The following ASAH2 variants were observed in gnomAD, a reference collection of about 807,000 sequenced individuals.
ASAH2 encodes N-acylsphingosine amidohydrolase 2.
ASAH2 carries 58 observed loss-of-function variants against 82.9 expected under a neutral mutation model. The ratio of observed to expected loss-of-function variants is 0.70; its 90% CI spans 0.57 to 0.87. The LOEUF (loss-of-function observed/expected upper bound fraction) is 0.87. ASAH2 is among the 40% of genes least tolerant of loss of function. The pLI is 0.00. For missense variants in ASAH2, 779 were observed against 834.0 expected (o/e 0.93, Z 0.81); for synonymous variants, 276 against 289.7 (o/e 0.95, Z 0.48).
chr10:50,203,566 A>G, intron 15 of ASAH2, 74 bp downstream of exon 15: 1 of 542,850 alleles, frequency 1.8e-6, no homozygotes, highest in Non-Finnish European at 3.1e-6. Context: ...TAGATATAGG[A>G]TCATAGGGAT....
intron 4 of ASAH2, among the ~76,000 whole-genome samples, chr10:50,239,020 A>G (rs1226304996): frequency 6.6e-6 from 1 of 152,196 alleles, no homozygotes; most frequent in East Asian, 1.9e-4. Flanking sequence ...TTAACACAGG[A>G]CAAAGCAGCT....
rs565557885 is a variant in ASAH2, at chr10:50,243,926, G to A, written c.361-575C>T. Among the ~76,000 whole-genome samples the A allele has an allele frequency of 8.5e-5, 13 of 152,260 alleles. No individual in the cohort carries two copies. In the East Asian group the frequency reaches 9.7e-4, roughly 11 times the overall value. On this transcript the variant is annotated intron_variant, in intron 3 of 20. Coordinates refer to ENST00000682911, the MANE Select transcript of ASAH2 (RefSeq NM_019893.4). ...CTTTTACCATAGTATCATTCCTGTC[G>A]TGGGTGCAACAGGCTGGTAAATTCC...
chr10:50,234,870 A>G (rs1589351378), intron 5 of ASAH2, among the ~76,000 whole-genome samples: 1 of 152,116 alleles, frequency 6.6e-6, no homozygotes, highest in Non-Finnish European at 1.5e-5. Flanking sequence ...CAGATAGCCA[A>G]AATGGGAGAC....
At chr10:50,216,072 AAC>A (rs1371225287) in intron 8 of ASAH2, among the ~76,000 whole-genome samples, 1 of 151,744 alleles carries the variant, frequency 6.6e-6, no homozygotes, top group Non-Finnish European at 1.5e-5. Flanking sequence ...CAGAAAACCA[AAC>A]ACCACATGTT....
intron 7 of ASAH2, among the ~76,000 whole-genome samples, chr10:50,229,700 C>G (rs2133221811): frequency 6.6e-6 from 1 of 152,264 alleles, no homozygotes; most frequent in Middle Eastern, 3.4e-3. Context: ...TCACCTTTTA[C>G]CAGTTCTTCA....
chr10:50,218,613 G>A lies in ASAH2; in HGVS notation c.911C>T (p.Pro304Leu), dbSNP rs766785225. 3.9e-5 allele frequency: 63 copies of A among 1,613,600 alleles called. No homozygotes were observed. The highest frequency in any genetic ancestry group is 2.0e-4 in the Admixed American group (12 of 59,974). The part of the protein sequence containing the change: ...LGLISWFAIH[P>L]VSMNNSNHLV... ...ATGGTTACTGTTGTTCATGCTGACC[G>A]GGTGGATGGCAAACCAGCTGTAAAA... The change falls in exon 8 of 21, where the codon CCG becomes CTG. Residue 304 changes from proline to leucine, a missense_variant. This residue lies in a region of ASAH2 where 759 missense variants were observed against 755.2 expected (regional missense o/e 1.00). Transcript: ENST00000682911.
At chr10:50,202,971 G>T in intron 15 of ASAH2, 47 bp from the exon 16 acceptor site, 2 of 1,189,080 alleles carry the variant, frequency 1.7e-6, no homozygotes, top group Non-Finnish European at 2.5e-6. Context: ...TCATCTTTAC[G>T]TATATTTTCA....
intron 14 of ASAH2, 102 bp from the exon 15 acceptor site, chr10:50,203,781 C>T: frequency 3.1e-6 from 3 of 956,606 alleles, no homozygotes; most frequent in Admixed American, 1.7e-5. Flanking sequence ...TGGCTCATCA[C>T]ACAATAGTAA....
At chr10:50,239,541 A>G (rs1469707148) in intron 4 of ASAH2, among the ~76,000 whole-genome samples, 1 of 152,170 alleles carries the variant, frequency 6.6e-6, no homozygotes, top group Non-Finnish European at 1.5e-5. Flanking sequence ...TCAGAAAAGC[A>G]GTATAGTATA....
intron 6 of ASAH2, 54 bp from the exon 7 acceptor site, chr10:50,233,315 A>G: frequency 1.5e-6 from 2 of 1,302,282 alleles, no homozygotes; most frequent in South Asian, 1.2e-5. Context: ...CCTAACCCTC[A>G]TGTAAGATGA....
rs201767682 is a variant in ASAH2, at chr10:50,194,968, A to G, written c.2004+1805T>C. On this transcript the variant is annotated intron_variant, in intron 18 of 20. Transcript: ENST00000682911. ...GAAAACCTAGAGGAAAAGCTCCATG[A>G]TGTTGGTGTAGGCGATGTTTTTTTT... Among the ~76,000 whole-genome samples, 3,127 of 151,448 alleles carry G rather than the reference A, an allele frequency of 0.021. 285 individuals are homozygous for G. The East Asian group carries it at 0.31, about 15-fold the overall frequency.
intron 7 of ASAH2, among the ~76,000 whole-genome samples, chr10:50,227,352 TG>T (rs1845912997): frequency 5.7e-5 from 1 of 17,428 alleles, no homozygotes; most frequent in Non-Finnish European, 2.6e-4. Context: ...TTTGCAGTGA[TG>T]GAGATAACAT....
At chr10:50,193,973 A>G (rs1426824667) in intron 18 of ASAH2, among the ~76,000 whole-genome samples, 1 of 151,324 alleles carries the variant, frequency 6.6e-6, no homozygotes, top group Non-Finnish European at 1.5e-5. Flanking sequence ...ATGCAAGGAA[A>G]AAAATAGGAC....
At chr10:50,228,642 C>T (rs1845949825) in intron 7 of ASAH2, among the ~76,000 whole-genome samples, 1 of 152,092 alleles carries the variant, frequency 6.6e-6, no homozygotes, top group Non-Finnish European at 1.5e-5. Flanking sequence ...TTACACAAAT[C>T]ACTGCCCCTG....
chr10:50,195,346 A>G (rs1280628350), intron 18 of ASAH2, among the ~76,000 whole-genome samples: 7 of 150,970 alleles, frequency 4.6e-5, no homozygotes, highest in Admixed American at 2.7e-4. Flanking sequence ...ACAACAAGAT[A>G]TCACCTAATA....
intron 17 of ASAH2, among the ~76,000 whole-genome samples, chr10:50,197,925 A>G (rs1306785034): frequency 6.6e-6 from 1 of 151,970 alleles, no homozygotes; most frequent in Non-Finnish European, 1.5e-5. Context: ...TGGATTTTAT[A>G]ATAGAAATAA....
At chr10:50,244,771 A>G (rs919078313) in intron 3 of ASAH2, among the ~76,000 whole-genome samples, 7 of 152,204 alleles carry the variant, frequency 4.6e-5, no homozygotes, top group Non-Finnish European at 7.3e-5. Context: ...AAACTGCAAG[A>G]TAGGGCAGCC....
intron 7 of ASAH2, among the ~76,000 whole-genome samples, chr10:50,222,399 C>T (rs1039546506): frequency 4.6e-5 from 7 of 152,118 alleles, no homozygotes; most frequent in Admixed American, 1.3e-4. Flanking sequence ...CTACTTCAGC[C>T]GCCCAAGTAG....
intron 14 of ASAH2, among the ~76,000 whole-genome samples, chr10:50,203,998 G>A (rs1368146499): frequency 6.6e-6 from 1 of 152,008 alleles, no homozygotes; most frequent in Admixed American, 6.6e-5. Flanking sequence ...TATAAAAGCT[G>A]AGGTAGGTAG....
Sources: allele counts gnomAD v4.1 joint callset (sites outside exome capture counted in the v4.1 genomes callset), GRCh38; gene constraint gnomAD v4.1.1; regional missense constraint gnomAD v4.1.1; transcripts MANE v1.5; gene names NCBI Gene and HGNC (gene_info 2026-07-23, HGNC 2026-07-21).